PPARGC1A: variants seen among roughly 807,000 people sequenced by gnomAD.
PPARGC1A encodes PPARG coactivator 1 alpha.
A neutral mutation model predicts 88.7 loss-of-function variants in PPARGC1A; 25 were observed. That is an observed-to-expected ratio of 0.28 (90% CI 0.21 to 0.39). The LOEUF (loss-of-function observed/expected upper bound fraction) is 0.39. Among genes scored for constraint, PPARGC1A ranks in the 10% least tolerant of loss-of-function variants. PPARGC1A has a pLI of 1.00. For synonymous variants in PPARGC1A, 363 were observed against 355.6 expected, an observed-to-expected ratio of 1.02 and a Z score of -0.24; for missense variants, 880 against 968.7, an observed-to-expected ratio of 0.91 and a Z score of 1.22.
the PPARGC1A span, among the ~76,000 whole-genome samples, chr4:24,185,755 T>C: frequency 2.0e-5 from 3 of 151,952 alleles, no homozygotes; most frequent in African/African-American, 7.3e-5. Context: ...TCATCTAGCA[T>C]TAGGTATATC....
chr4:24,230,568 C>G, the PPARGC1A span, among the ~76,000 whole-genome samples: 1 of 152,192 alleles, frequency 6.6e-6, no homozygotes, highest in Non-Finnish European at 1.5e-5. Flanking sequence ...CATATAGCAC[C>G]TTCATTTGTC....
chr4:24,402,923 G>A, the PPARGC1A span, among the ~76,000 whole-genome samples: 1 of 152,244 alleles, frequency 6.6e-6, no homozygotes, highest in Non-Finnish European at 1.5e-5. Flanking sequence ...CCACAGCCTA[G>A]TATGATGCCT....
the PPARGC1A span, among the ~76,000 whole-genome samples, chr4:24,321,415 T>C: frequency 6.6e-6 from 1 of 152,352 alleles, no homozygotes; most frequent in South Asian, 2.1e-4. Flanking sequence ...CTCATTTCCC[T>C]GCTAAATATA....
the PPARGC1A span, among the ~76,000 whole-genome samples, chr4:23,986,841 T>C: frequency 6.6e-6 from 1 of 152,084 alleles, no homozygotes; most frequent in Non-Finnish European, 1.5e-5. Context: ...GTTAAATAAA[T>C]GACTTGTTCA....
At chr4:23,907,619 A>C (rs1394964583), upstream of PPARGC1A, among the ~76,000 whole-genome samples, 2 of 152,132 alleles carry the variant, frequency 1.3e-5, no homozygotes, top group Non-Finnish European at 2.9e-5. Context: ...GATAATACCT[A>C]CCTCACAGAC....
the PPARGC1A span, among the ~76,000 whole-genome samples, chr4:24,171,404 CAA>C: frequency 1.4e-5 from 2 of 145,550 alleles, no homozygotes; most frequent in African/African-American, 2.5e-5. Flanking sequence ...GACTCCATCT[CAA>C]AAAAAAAAAG....
chr4:24,236,650 T>C, the PPARGC1A span, among the ~76,000 whole-genome samples: 14 of 152,344 alleles, frequency 9.2e-5, no homozygotes, highest in East Asian at 2.7e-3. Context: ...AGCATTTTTC[T>C]GCTGTGCCCT....
the PPARGC1A span, among the ~76,000 whole-genome samples, chr4:24,406,827 G>A: frequency 6.6e-6 from 1 of 152,180 alleles, no homozygotes; most frequent in Non-Finnish European, 1.5e-5. Flanking sequence ...ATTGAGCCTG[G>A]CCATCCAGCA....
chr4:23,873,291 TC>T (rs1713975559), intron 2 of PPARGC1A, among the ~76,000 whole-genome samples: 1 of 150,800 alleles, frequency 6.6e-6, no homozygotes, highest in Admixed American at 6.6e-5. Context: ...TTGGTAATAA[TC>T]CCCTGTAATA....
At chr4:24,290,109 C>A in the PPARGC1A span, among the ~76,000 whole-genome samples, 4 of 152,172 alleles carry the variant, frequency 2.6e-5, no homozygotes, top group Non-Finnish European at 5.9e-5. Flanking sequence ...GATTCAATTA[C>A]CTCCCATAGG....
the PPARGC1A span, among the ~76,000 whole-genome samples, chr4:23,924,500 T>C: frequency 3.9e-5 from 6 of 152,128 alleles, no homozygotes; most frequent in African/African-American, 1.2e-4. Context: ...GTGGTGCCTG[T>C]AGTCCCAGCT....
At chr4:23,903,131 T>C (rs1298103747), upstream of PPARGC1A, among the ~76,000 whole-genome samples, 1 of 152,182 alleles carries the variant, frequency 6.6e-6, no homozygotes, top group Non-Finnish European at 1.5e-5. Context: ...GGGGGAAAGA[T>C]TAGATGAACC....
chr4:24,199,078 T>C, the PPARGC1A span, among the ~76,000 whole-genome samples: 35 of 152,232 alleles, frequency 2.3e-4, no homozygotes, highest in Non-Finnish European at 2.4e-4. Flanking sequence ...AGGGTCTCTG[T>C]TGATTGGAAG....
At chr4:24,079,674 T>G in the PPARGC1A span, among the ~76,000 whole-genome samples, 1 of 152,026 alleles carries the variant, frequency 6.6e-6, no homozygotes, top group African/African-American at 2.4e-5. Flanking sequence ...CATGATCAGA[T>G]AAATGTTACC....
At chr4:23,876,413 T>G (rs572600414) in intron 2 of PPARGC1A, among the ~76,000 whole-genome samples, 1 of 152,358 alleles carries the variant, frequency 6.6e-6, no homozygotes, top group South Asian at 2.1e-4. Flanking sequence ...ATTTCCTAAA[T>G]GTAATTTAGT....
At chr4:24,072,115 A>AAT in the PPARGC1A span, among the ~76,000 whole-genome samples, 1,515 of 147,160 alleles carry the variant, frequency 0.01, 31 homozygotes, top group African/African-American at 0.033. Flanking sequence ...ATTTCATTTA[A>AAT]ATATATATAT....
chr4:24,005,246 A>T, the PPARGC1A span, among the ~76,000 whole-genome samples: 2 of 152,196 alleles, frequency 1.3e-5, no homozygotes, highest in South Asian at 4.1e-4. Context: ...ATAAATGCAG[A>T]GCTTTTGAAA....
At chr4:23,856,976 T>C (rs1730289340) in intron 2 of PPARGC1A, among the ~76,000 whole-genome samples, 2 of 152,212 alleles carry the variant, frequency 1.3e-5, no homozygotes, top group African/African-American at 2.4e-5. Flanking sequence ...TTGCCATTTA[T>C]TGACTATCAA....
the PPARGC1A span, among the ~76,000 whole-genome samples, chr4:24,019,509 C>T: frequency 3.3e-5 from 5 of 152,150 alleles, no homozygotes; most frequent in Admixed American, 1.3e-4. Context: ...AATTTCAGCT[C>T]AAACAATATC....
Sources: allele counts gnomAD v4.1 joint callset (sites outside exome capture counted in the v4.1 genomes callset), GRCh38; gene constraint gnomAD v4.1.1; transcripts MANE v1.5; gene names NCBI Gene and HGNC (gene_info 2026-07-23, HGNC 2026-07-21).